Variants in RFX3 observed in about 807,000 individuals in gnomAD.
The protein encoded by RFX3 is transcription factor RFX3.
A neutral mutation model predicts 98.6 loss-of-function variants in RFX3; 14 were observed. The observed-to-expected ratio is 0.14, with a 90% confidence interval of 0.09 to 0.22. RFX3 has a LOEUF of 0.22. Among genes scored for constraint, RFX3 ranks in the 10% least tolerant of loss-of-function variants. RFX3 has a pLI of 1.00. For missense variants in RFX3, 639 were observed against 926.9 expected, an observed-to-expected ratio of 0.69 and a Z score of 4.03; for synonymous variants, 383 against 328.4, an observed-to-expected ratio of 1.17 and a Z score of -1.80.
At chr9:3,381,614 T>A (rs897565715) in intron 2 of RFX3, among the ~76,000 whole-genome samples, 12 of 152,154 alleles carry the variant, frequency 7.9e-5, no homozygotes, top group Non-Finnish European at 1.6e-4. Context: ...TAAGCATTTT[T>A]ATTTAAGAAT....
In RFX3 at chr9:3,275,555, C is replaced by T. The variant is rs1471867485; in HGVS notation, c.1031G>A (p.Gly344Asp). ...GEVEISSLPDGTTFEDIKSLQ... is the reference protein window; with the variant it reads ...GEVEISSLPDDTTFEDIKSLQ... ...TGACTTGATATCCTCAAAGGTAGTA[C>T]CATCTGGCAGAGAAGAGATTTCAAC... Residue 344 changes from glycine (G) to aspartate (D), a missense_variant, in exon 9 of 17, where the codon GGT becomes GAT. This residue lies in a region of RFX3 where 86 missense variants were observed against 113.2 expected (regional missense o/e 0.76). Transcript: ENST00000617270. 1.2e-6 allele frequency: 2 copies of T among 1,612,658 alleles called. No homozygotes were observed. Among genetic ancestry groups the T allele is most frequent in the Non-Finnish European group, 1.7e-6 (2 of 1,179,048 alleles).
intron 1 of RFX3, among the ~76,000 whole-genome samples, chr9:3,499,008 A>G (rs1411609653): frequency 6.6e-6 from 1 of 152,132 alleles, no homozygotes; most frequent in Non-Finnish European, 1.5e-5. Context: ...ACATCCTATT[A>G]AAAACAAGTC....
At chr9:3,270,123 A>AAAGAAAGAAAGAAAGAAAGAAAGG (rs1563833612) in intron 11 of RFX3, among the ~76,000 whole-genome samples, 4 of 69,564 alleles carry the variant, frequency 5.8e-5, no homozygotes, top group African/African-American at 1.4e-4. Context: ...AGAAAGAAAG[A>AAAGAAAGAAAGAAAGAAAGAAAGG]AAGGAAAGAA....
intron 9 of RFX3, among the ~76,000 whole-genome samples, chr9:3,272,094 C>T (rs565996552): frequency 8.6e-5 from 13 of 151,940 alleles, no homozygotes; most frequent in African/African-American, 3.1e-4. Flanking sequence ...ATAATTTTAC[C>T]CTGTCATTGC....
chr9:3,429,051 C>G (rs1218249939), intron 1 of RFX3, among the ~76,000 whole-genome samples: 2 of 142,942 alleles, frequency 1.4e-5, no homozygotes, highest in Non-Finnish European at 3.0e-5. Context: ...GAGACGGAGT[C>G]TCGCTGTGTC....
chr9:3,225,252 C>T lies in RFX3; in HGVS notation c.2040G>A (p.Met680Ile), dbSNP rs767713561. Reference protein sequence around the residue: ...KDEGSEVESEMDEELDDSSEP... With the variant: ...KDEGSEVESEIDEELDDSSEP... ...CTGAAGAGTCATCCAGTTCTTCATC[C>T]ATTTCACTTTCTACTTCACTGCCTT... Residue 680 changes from methionine (M) to isoleucine (I), a missense_variant, in exon 17 of 17, where the codon ATG becomes ATA. Coordinates refer to ENST00000617270, the MANE Select transcript of RFX3 (RefSeq NM_001282116.2). The T allele has an allele frequency of 1.2e-6, 2 of 1,613,656 alleles. No homozygotes were observed. Among genetic ancestry groups the T allele is most frequent in the African/African-American group, 2.7e-5 (2 of 74,914 alleles).
At chr9:3,324,010 C>T (rs530058373) in intron 4 of RFX3, 17 of 447,286 alleles carry the variant, frequency 3.8e-5, no homozygotes, top group African/African-American at 3.4e-4. Flanking sequence ...AGGCCCAGAA[C>T]CTTCAGTCAA....
At chr9:3,414,474 ACC>A in intron 1 of RFX3, among the ~76,000 whole-genome samples, 1 of 151,290 alleles carries the variant, frequency 6.6e-6, no homozygotes, top group Non-Finnish European at 1.5e-5. Flanking sequence ...TGCAGTAAAT[ACC>A]ACTAACATAT....
At chr9:3,353,594 G>A (rs1433805644) in intron 2 of RFX3, among the ~76,000 whole-genome samples, 1 of 151,994 alleles carries the variant, frequency 6.6e-6, no homozygotes, top group Non-Finnish European at 1.5e-5. Flanking sequence ...AGCCTTAGTA[G>A]TAGGGCTGTA....
rs537876908 is a variant in RFX3 at position 3,394,336 on chromosome 9, A to G, written c.117+1136T>C. Among the ~76,000 whole-genome samples the G allele has an allele frequency of 6.6e-5, 10 of 152,152 alleles. No homozygotes were observed. The South Asian group carries it at 8.3e-4, about 13-fold the overall frequency. On this transcript the variant is annotated intron_variant, in intron 2 of 16. Coordinates refer to ENST00000617270, the MANE Select transcript of RFX3 (RefSeq NM_001282116.2). ...AAATTAGCCAGGCGTGGTGGCAGGC[A>G]CCTGTAGTCCCAGCTATTCTGGAGG...
At chr9:3,502,774 T>C (rs1816172982) in intron 1 of RFX3, among the ~76,000 whole-genome samples, 1 of 152,146 alleles carries the variant, frequency 6.6e-6, no homozygotes, top group Non-Finnish European at 1.5e-5. Context: ...ACTGGCAATG[T>C]GAATGTTAGC....
intron 4 of RFX3, among the ~76,000 whole-genome samples, chr9:3,325,838 GA>G (rs1433674195): frequency 1.3e-5 from 2 of 151,938 alleles, no homozygotes; most frequent in African/African-American, 4.8e-5. Flanking sequence ...TGATTATATA[GA>G]AAAATAATCA....
chr9:3,438,632 C>T lies in RFX3; in HGVS notation c.-8-43036G>A, dbSNP rs142136744. Reference sequence around the variant, plus strand: ...AAAAGCAAGACACAACAACATGCTGCCTGTGAGAAATATACATTAAATATA... The same window carrying T: ...AAAAGCAAGACACAACAACATGCTGTCTGTGAGAAATATACATTAAATATA... On this transcript the variant is annotated intron_variant, in intron 1 of 16. Coordinates refer to ENST00000617270, the MANE Select transcript of RFX3 (RefSeq NM_001282116.2). Among the ~76,000 whole-genome samples, 3 of 152,018 alleles carry T rather than the reference C, an allele frequency of 2.0e-5. No individual in the cohort carries two copies. In the East Asian group the frequency reaches 5.8e-4, roughly 29 times the overall value.
At chr9:3,284,329 T>C (rs539228486) in intron 7 of RFX3, among the ~76,000 whole-genome samples, 24 of 151,862 alleles carry the variant, frequency 1.6e-4, no homozygotes, top group African/African-American at 4.3e-4. Context: ...ATTACTGATG[T>C]CCTTTTTGCT....
intron 1 of RFX3, among the ~76,000 whole-genome samples, chr9:3,435,229 A>G (rs1011182596): frequency 6.6e-6 from 1 of 152,172 alleles, no homozygotes; most frequent in Admixed American, 6.6e-5. Context: ...CTTTAGTAAT[A>G]AATTAACATT....
At position 3,220,416 on chromosome 9, in the gene RFX3, A is replaced by G. The variant is rs1817278470; in HGVS notation, c.*4626T>C. The G allele has an allele frequency of 6.6e-6, 1 of 152,156 alleles. No homozygotes were observed. Among genetic ancestry groups the G allele is most frequent in the Admixed American group, 6.6e-5 (1 of 15,266 alleles). The allele number at this position is 152,156 out of a possible 1,614,324, so 9.4% of individuals were successfully genotyped here. On this transcript the variant is annotated 3_prime_UTR_variant, in exon 17 of 17. Coordinates refer to ENST00000617270, the MANE Select transcript of RFX3 (RefSeq NM_001282116.2). ...AATCTAGGTACCTTCAATGTGCAGA[A>G]ATCAGTTATGACATAGGTCTATCCA...
intron 2 of RFX3, among the ~76,000 whole-genome samples, chr9:3,374,693 A>G (rs1838252475): frequency 6.6e-6 from 1 of 152,192 alleles, no homozygotes; most frequent in Non-Finnish European, 1.5e-5. Context: ...AACAGCAGTT[A>G]CCAGGGGGAA....
chr9:3,413,521 T>G (rs1842642495), intron 1 of RFX3, among the ~76,000 whole-genome samples: 1 of 152,110 alleles, frequency 6.6e-6, no homozygotes, highest in Admixed American at 6.6e-5. Context: ...TCTTTTCATG[T>G]TTCAGTTTAA....
chr9:3,458,850 A>C (rs538696677), intron 1 of RFX3, among the ~76,000 whole-genome samples: 72 of 152,362 alleles, frequency 4.7e-4, no homozygotes, highest in African/African-American at 1.7e-3. Context: ...TAGTAGAAGA[A>C]AGTGAAGACA....
Sources: allele counts gnomAD v4.1 joint callset (sites outside exome capture counted in the v4.1 genomes callset), GRCh38; gene constraint gnomAD v4.1.1; regional missense constraint gnomAD v4.1.1; transcripts MANE v1.5; gene names NCBI Gene and HGNC (gene_info 2026-07-23, HGNC 2026-07-21).